Variants in OPCML observed in about 807,000 individuals in gnomAD.
The protein encoded by OPCML is opioid-binding protein/cell adhesion molecule.
A neutral mutation model predicts 37.8 loss-of-function variants in OPCML; 13 were observed. The observed-to-expected ratio is 0.34, with a 90% confidence interval of 0.22 to 0.55. The LOEUF is 0.55. Among genes scored for constraint, OPCML ranks in the 20% least tolerant of loss-of-function variants. The pLI is 0.91. For missense variants in OPCML, 341 were observed against 435.6 expected (o/e 0.78, Z 1.93); for synonymous variants, 176 against 168.8 (o/e 1.04, Z -0.33).
At chr11:132,742,803 C>T (rs987829728) in intron 2 of OPCML, among the ~76,000 whole-genome samples, 3 of 149,048 alleles carry the variant, frequency 2.0e-5, no homozygotes, top group Non-Finnish European at 4.4e-5. Flanking sequence ...TGTACAAGTA[C>T]TCTATATAAT....
intron 1 of OPCML, among the ~76,000 whole-genome samples, chr11:133,353,190 A>G (rs1347729809): frequency 6.6e-6 from 1 of 152,134 alleles, no homozygotes; most frequent in African/African-American, 2.4e-5. Context: ...TGTTTGAGAT[A>G]CAGTCTCACC....
At chr11:132,985,673 A>G (rs7930174) in intron 1 of OPCML, among the ~76,000 whole-genome samples, 11,519 of 152,280 alleles carry the variant, frequency 0.076, 693 homozygotes, top group East Asian at 0.23. Context: ...TGAATATAGG[A>G]GTGAAATCCT....
intron 3 of OPCML, among the ~76,000 whole-genome samples, chr11:132,600,717 C>T (rs931911477): frequency 4.1e-5 from 6 of 145,826 alleles, no homozygotes; most frequent in Non-Finnish European, 8.9e-5. Context: ...GATAAATACC[C>T]AGGTTATTAT....
rs191110373 is a variant in OPCML, at chr11:132,690,776, C to T, written c.147-33457G>A. Among the ~76,000 whole-genome samples, 1,093 of 152,252 alleles carry T rather than the reference C, an allele frequency of 7.2e-3. 10 individuals carry two copies. Among genetic ancestry groups the T allele is most frequent in the Non-Finnish European group, 0.013 (851 of 68,010 alleles). ...ATTATAGCATTGGGGTTAATAAAGC[C>T]TAAGAAAGAGGCAGGAACTCATTGC... On this transcript the variant is annotated intron_variant, in intron 2 of 7. Transcript: ENST00000524381.
In OPCML at chr11:132,742,670, G is replaced by C. The variant is rs138427739; in HGVS notation, c.147-85351C>G. ...AATGCAAAAGTTGTGATGGCTCATA[G>C]TCATATATTTTATATACTTTTTATA... On this transcript the variant is annotated intron_variant, in intron 2 of 7. Transcript: ENST00000524381. Among the ~76,000 whole-genome samples the C allele has an allele frequency of 3.1e-3, 462 of 150,748 alleles. 2 individuals carry two copies. The highest frequency in any genetic ancestry group is 3.7e-3 in the Non-Finnish European group (252 of 67,792).
At chr11:132,787,133 G>A (rs905219450) in intron 2 of OPCML, among the ~76,000 whole-genome samples, 15 of 152,142 alleles carry the variant, frequency 9.9e-5, no homozygotes, top group East Asian at 1.9e-4. Flanking sequence ...ACCAGACTTC[G>A]AGAACCAGTG....
chr11:132,991,931 G>A lies in OPCML; in HGVS notation c.62-48921C>T, dbSNP rs560137019. On this transcript the variant is annotated intron_variant, in intron 1 of 7. Transcript: ENST00000524381. ...GCCAACACTGTCTGTGTAGGATCTCGGTGTTTACAGCATGTGTGAGAGGGT... is the reference window on the plus strand; with the variant it reads ...GCCAACACTGTCTGTGTAGGATCTCAGTGTTTACAGCATGTGTGAGAGGGT... Among the ~76,000 whole-genome samples, 202 of 151,126 alleles carry A rather than the reference G, an allele frequency of 1.3e-3. 2 individuals carry two copies. Among genetic ancestry groups the A allele is most frequent in the South Asian group, 0.012 (58 of 4,710 alleles).
intron 1 of OPCML, among the ~76,000 whole-genome samples, chr11:133,043,280 C>T (rs1441441522): frequency 1.3e-5 from 2 of 152,178 alleles, no homozygotes; most frequent in African/African-American, 4.8e-5. Context: ...TGACTTGAAA[C>T]TGGCCTAAAT....
chr11:132,560,486 A>T (rs912645992), intron 3 of OPCML, among the ~76,000 whole-genome samples: 8 of 152,168 alleles, frequency 5.3e-5, no homozygotes, highest in Admixed American at 2.6e-4. Flanking sequence ...CCCAATGTGT[A>T]GTCTTTTATT....
intron 1 of OPCML, among the ~76,000 whole-genome samples, chr11:132,966,220 C>T (rs1196439995): frequency 6.6e-6 from 1 of 151,930 alleles, no homozygotes; most frequent in Non-Finnish European, 1.5e-5. Context: ...GTATGTTTCG[C>T]TATGTTGTGT....
chr11:133,010,065 C>A (rs915256846), intron 1 of OPCML, among the ~76,000 whole-genome samples: 3 of 152,192 alleles, frequency 2.0e-5, no homozygotes, highest in Admixed American at 2.0e-4. Flanking sequence ...CACAGCTGAG[C>A]TCTTCTTGGG....
intron 1 of OPCML, among the ~76,000 whole-genome samples, chr11:133,531,780 CAGAGAG>C (rs148645624): frequency 6.8e-6 from 1 of 147,682 alleles, no homozygotes; most frequent in Non-Finnish European, 1.5e-5. Flanking sequence ...AGAAAAGAAA[CAGAGAG>C]AGAGACAGGG....
rs184460723 is a variant in OPCML, at chr11:133,174,990, A to G, written c.62-231980T>C. Among the ~76,000 whole-genome samples, 2 of 152,312 alleles carry G rather than the reference A, an allele frequency of 1.3e-5. No individual in the cohort carries two copies. The highest frequency in any genetic ancestry group is 1.3e-4 in the Admixed American group (2 of 15,292). On this transcript the variant is annotated intron_variant, in intron 1 of 7. Coordinates refer to ENST00000524381, the MANE Select transcript of OPCML (RefSeq NM_001012393.5). The surrounding 1 kb of genome is among the most constrained non-coding windows in gnomAD (Gnocchi z 4.6). ...CATGGTGTTGCACACCTATAGTTCC[A>G]GCTACTTGGGAAGTGAGATGGGAGG...
chr11:133,463,987 A>G (rs1284029714), intron 1 of OPCML, among the ~76,000 whole-genome samples: 1 of 152,092 alleles, frequency 6.6e-6, no homozygotes, highest in East Asian at 1.9e-4. Flanking sequence ...CCCAGAGCTC[A>G]TATCTATCCA....
chr11:132,832,198 ATTACATGTTCCT>A (rs1940727773), intron 2 of OPCML, among the ~76,000 whole-genome samples: 1 of 150,750 alleles, frequency 6.6e-6, no homozygotes, highest in African/African-American at 2.4e-5. Context: ...TAAGCATCTA[ATTACATGTTCCT>A]TCCCAACCTC....
intron 1 of OPCML, chr11:133,365,769 C>T (rs1346411063): frequency 1.3e-5 from 2 of 152,324 alleles, no homozygotes; most frequent in Admixed American, 6.5e-5. Context: ...TCATGCTAGT[C>T]ACCTCTTGGT....
chr11:132,872,015 A>G (rs139838939), intron 2 of OPCML, among the ~76,000 whole-genome samples: 1,736 of 152,214 alleles, frequency 0.011, 20 homozygotes, highest in Non-Finnish European at 0.016. Flanking sequence ...GTCCCCTTTC[A>G]ACACTTTACT....
Position 133,325,258 on chromosome 11 carries a change from T to G in OPCML, c.61+207006A>C, listed in dbSNP as rs771396703. Among the ~76,000 whole-genome samples the G allele has an allele frequency of 3.9e-4, 60 of 152,220 alleles. 1 individual carries two copies. Among genetic ancestry groups the G allele is most frequent in the Non-Finnish European group, 8.8e-5 (6 of 68,040 alleles). On this transcript the variant is annotated intron_variant, in intron 1 of 7. Coordinates refer to ENST00000524381, the MANE Select transcript of OPCML (RefSeq NM_001012393.5). Reference sequence around the variant, plus strand: ...GCGAGAAGTTCTGATTTGGCATAAATATGTATCAAAGCATTCTTTTTTGGC... The same window carrying G: ...GCGAGAAGTTCTGATTTGGCATAAAGATGTATCAAAGCATTCTTTTTTGGC...
intron 1 of OPCML, among the ~76,000 whole-genome samples, chr11:132,994,487 G>C (rs1235417324): frequency 2.0e-5 from 3 of 152,130 alleles, no homozygotes; most frequent in Admixed American, 2.0e-4. Flanking sequence ...TGCCTGGAAA[G>C]GAACTTCCAG....
Sources: allele counts gnomAD v4.1 joint callset (sites outside exome capture counted in the v4.1 genomes callset), GRCh38; gene constraint gnomAD v4.1.1; non-coding constraint Gnocchi (gnomAD v3.1); transcripts MANE v1.5; gene names NCBI Gene and HGNC (gene_info 2026-07-23, HGNC 2026-07-21).